The following VRK1 variants were observed in gnomAD, a reference collection of about 807,000 sequenced individuals.
VRK1 encodes VRK serine/threonine kinase 1.
VRK1 carries 33 observed loss-of-function variants against 57.1 expected under a neutral mutation model. That is an observed-to-expected ratio of 0.58 (90% confidence interval 0.44 to 0.77). VRK1 has a LOEUF of 0.77. Ranked by LOEUF, VRK1 falls within the 30% of genes least tolerant of loss-of-function variation. VRK1 has a pLI of 0.00. For synonymous variants in VRK1, 137 were observed against 147.8 expected, an observed-to-expected ratio of 0.93 and a Z score of 0.53; for missense variants, 413 against 477.3, an observed-to-expected ratio of 0.87 and a Z score of 1.25.
At chr14:96,858,648 A>G (rs1242981936) in intron 10 of VRK1, among the ~76,000 whole-genome samples, 4 of 152,118 alleles carry the variant, frequency 2.6e-5, no homozygotes, top group Non-Finnish European at 4.4e-5. Context: ...TGAAAAGACC[A>G]TTCTTTCCCT....
chr14:96,869,225 G>A (rs1338537190), intron 11 of VRK1, among the ~76,000 whole-genome samples: 1 of 152,218 alleles, frequency 6.6e-6, no homozygotes, highest in Non-Finnish European at 1.5e-5. Context: ...CACATAGCAA[G>A]TGACCAGTAA....
intron 4 of VRK1, among the ~76,000 whole-genome samples, chr14:96,846,821 ATAT>A (rs1184870410): frequency 3.9e-5 from 6 of 152,206 alleles, no homozygotes; most frequent in African/African-American, 1.2e-4. Context: ...ATTGTATTAC[ATAT>A]TATAAGTAAT....
At chr14:96,860,374 A>G (rs1429591957) in intron 10 of VRK1, among the ~76,000 whole-genome samples, 183 bp from the exon 11 acceptor site, 1 of 152,164 alleles carries the variant, frequency 6.6e-6, no homozygotes. Flanking sequence ...TACTTTTTAA[A>G]TTTCAGTTAT....
At chr14:96,844,870 G>T (rs1242605750) in intron 3 of VRK1, among the ~76,000 whole-genome samples, 4 of 152,166 alleles carry the variant, frequency 2.6e-5, no homozygotes, top group Non-Finnish European at 5.9e-5. Flanking sequence ...TTTAATTGGG[G>T]ATTCCTATTT....
intron 1 of VRK1, among the ~76,000 whole-genome samples, chr14:96,811,439 A>T (rs1886200747): frequency 6.6e-6 from 1 of 152,232 alleles, no homozygotes; most frequent in African/African-American, 2.4e-5. Flanking sequence ...TAAGAATCAC[A>T]TACACAGCAT....
intron 12 of VRK1, among the ~76,000 whole-genome samples, chr14:96,876,340 T>G (rs1442805766): frequency 6.6e-6 from 1 of 152,190 alleles, no homozygotes; most frequent in Admixed American, 6.5e-5. Flanking sequence ...TCCTTCATTT[T>G]GCAGATTTGG....
intron 7 of VRK1, among the ~76,000 whole-genome samples, chr14:96,854,782 C>T (rs1314105422): frequency 6.6e-6 from 1 of 151,656 alleles, no homozygotes; most frequent in African/African-American, 2.4e-5. Flanking sequence ...ACTAACATAT[C>T]ATGTGTCAGC....
intron 1 of VRK1, among the ~76,000 whole-genome samples, chr14:96,827,134 A>C (rs1886826827): frequency 1.1e-5 from 1 of 89,348 alleles, no homozygotes; most frequent in African/African-American, 4.7e-5. Context: ...GGTGTGATGA[A>C]AATGTTCTGT....
At chr14:96,869,084 C>T (rs1218582379) in intron 11 of VRK1, among the ~76,000 whole-genome samples, 3 of 152,100 alleles carry the variant, frequency 2.0e-5, no homozygotes, top group African/African-American at 4.8e-5. Context: ...TGAGCCACCA[C>T]GCCCGGCCTC....
At chr14:96,806,534 A>G (rs1595636920) in intron 1 of VRK1, among the ~76,000 whole-genome samples, 1 of 152,320 alleles carries the variant, frequency 6.6e-6, no homozygotes, top group Non-Finnish European at 1.5e-5. Flanking sequence ...GACATATAAA[A>G]TTGGGTCAGG....
chr14:96,829,206 AT>A (rs1202071231), intron 1 of VRK1, among the ~76,000 whole-genome samples: 7,130 of 141,574 alleles, frequency 0.05, 174 homozygotes, highest in Non-Finnish European at 0.067. Context: ...TTTTCTTTTA[AT>A]TTTTTTTTTT....
At chr14:96,830,438 T>C (rs1247400828) in intron 1 of VRK1, among the ~76,000 whole-genome samples, 1 of 152,136 alleles carries the variant, frequency 6.6e-6, no homozygotes, top group Non-Finnish European at 1.5e-5. Flanking sequence ...TTTTATTTAC[T>C]CTTATGTTCC....
intron 1 of VRK1, among the ~76,000 whole-genome samples, chr14:96,821,869 A>G (rs1470971608): frequency 6.6e-6 from 1 of 152,082 alleles, no homozygotes; most frequent in Non-Finnish European, 1.5e-5. Context: ...CTGTTTCTAG[A>G]ACAAGCTGGA....
At chr14:96,823,310 C>CT (rs1886674862) in intron 1 of VRK1, among the ~76,000 whole-genome samples, 1 of 152,214 alleles carries the variant, frequency 6.6e-6, no homozygotes, top group African/African-American at 2.4e-5. Flanking sequence ...TAGAACAGTG[C>CT]TTGGCACATT....
chr14:96,846,281 A>G, intron 4 of VRK1, 117 bp downstream of exon 4: 1 of 1,015,070 alleles, frequency 9.9e-7, no homozygotes, highest in Non-Finnish European at 1.5e-6. Flanking sequence ...TTTGCTTTAT[A>G]AATTCCACTT....
chr14:96,857,185 T>C (rs1014129998), intron 10 of VRK1, among the ~76,000 whole-genome samples: 1 of 152,084 alleles, frequency 6.6e-6, no homozygotes, highest in African/African-American at 2.4e-5. Context: ...TTTTAGACAG[T>C]AAACACATGA....
rs779911846 is a variant in VRK1, at chr14:96,860,680, A to G, written c.1013A>G (p.Lys338Arg). The G allele has an allele frequency of 2.1e-5, 34 of 1,613,420 alleles. 1 individual carries two copies. Among genetic ancestry groups the G allele is most frequent in the Non-Finnish European group, 2.5e-5 (30 of 1,179,554 alleles). Reference protein sequence around the residue: ...LKAIGSKDDGKLDLSVVENGG... With the variant: ...LKAIGSKDDGRLDLSVVENGG... ...GCTATAGGAAGTAAGGATGATGGCAAATTGGACCTCAGTGTTGTGGAGAAT... is the reference window on the plus strand; with the variant it reads ...GCTATAGGAAGTAAGGATGATGGCAGATTGGACCTCAGTGTTGTGGAGAAT... The change falls in exon 11 of 13, where the codon AAA (lysine) becomes AGA (arginine). Residue 338 changes from lysine (K) to arginine (R), a missense_variant. Coordinates refer to ENST00000216639, the MANE Select transcript of VRK1 (RefSeq NM_003384.3).
chr14:96,873,997 C>G (rs992588936), intron 11 of VRK1, among the ~76,000 whole-genome samples: 2 of 152,114 alleles, frequency 1.3e-5, no homozygotes, highest in African/African-American at 2.4e-5. Context: ...TGTAATTTAC[C>G]TGCATGGAGA....
At chr14:96,850,005 G>T (rs1321265091) in intron 5 of VRK1, among the ~76,000 whole-genome samples, 1 of 152,020 alleles carries the variant, frequency 6.6e-6, no homozygotes. Flanking sequence ...GCCTTAGAGT[G>T]TGGTGACAAA....
Sources: gnomAD v4.1 joint callset for allele counts (sites outside exome capture counted in the v4.1 genomes callset) on GRCh38, gnomAD v4.1.1 for gene constraint, MANE v1.5 for transcripts, NCBI Gene and HGNC (gene_info 2026-07-23, HGNC 2026-07-21) for gene names.